Variants in ZNF329 observed in about 807,000 individuals in gnomAD.
ZNF329 encodes zinc finger protein 329.
Under a neutral mutation model 26.6 loss-of-function variants are expected in ZNF329, and 15 were observed. The ratio of observed to expected loss-of-function variants is 0.56; its 90% CI spans 0.38 to 0.87. The LOEUF (loss-of-function observed/expected upper bound fraction) is 0.87, where lower values mean the gene tolerates loss of function less well. ZNF329 is among the 40% of genes least tolerant of loss of function. The pLI is 0.00. For synonymous variants in ZNF329, 239 were observed against 233.5 expected (o/e 1.02, Z -0.21); for missense variants, 651 against 651.9 (o/e 1.00, Z 0.02).
intron 1 of ZNF329, among the ~76,000 whole-genome samples, chr19:58,144,355 T>TCTATCTATCTATCTAA (rs2075253314): frequency 1.3e-5 from 1 of 76,840 alleles, no homozygotes; most frequent in African/African-American, 5.0e-5. Flanking sequence ...TACATCTATA[T>TCTATCTATCTATCTAA]CTATCTATCT....
chr19:58,126,461 A>G lies in ZNF329; in HGVS notation c.*1417T>C. 1 of 152,358 alleles carries G rather than the reference A, an allele frequency of 6.6e-6. No individual in the cohort carries two copies. Among genetic ancestry groups the G allele is most frequent in the African/African-American group, 2.4e-5 (1 of 41,582 alleles). 9.4% of individuals were successfully genotyped at this position (152,358 alleles called of 1,614,324 possible). A position where few individuals can be genotyped will look rare whatever the true frequency, so the allele number is the denominator to read the frequency against. On this transcript the variant is annotated 3_prime_UTR_variant, in exon 4 of 4. Coordinates refer to ENST00000598312, the MANE Select transcript of ZNF329 (RefSeq NM_024620.4). ...TTGATGCCCCTTTTTGCCATATTAT[A>G]AACATTTTCAACATGGCAATAAAAC...
intron 1 of ZNF329, among the ~76,000 whole-genome samples, chr19:58,149,876 C>CT (rs1568679613): frequency 1.3e-5 from 2 of 152,106 alleles, no homozygotes; most frequent in Non-Finnish European, 2.9e-5. Context: ...CTACTGAACT[C>CT]TAATTCATGG....
chr19:58,138,029 T>A (rs975129183), intron 3 of ZNF329, among the ~76,000 whole-genome samples: 27 of 152,114 alleles, frequency 1.8e-4, no homozygotes, highest in African/African-American at 6.5e-4. Context: ...ATAAGTGATA[T>A]TAATTGTCAG....
At chr19:58,144,728 GTC>G (rs1424420219) in intron 1 of ZNF329, among the ~76,000 whole-genome samples, 1 of 144,812 alleles carries the variant, frequency 6.9e-6, no homozygotes, top group Admixed American at 7.0e-5. Context: ...AAGAGACAGA[GTC>G]TTGCTTTGAT....
At chr19:58,140,169 C>CAGT (rs1568668199) in intron 3 of ZNF329, among the ~76,000 whole-genome samples, 3 of 152,126 alleles carry the variant, frequency 2.0e-5, no homozygotes, top group South Asian at 4.1e-4. Flanking sequence ...GCTGTTCTCA[C>CAGT]AGTAGTGAGT....
chr19:58,142,922 G>GCCCCAA (rs1043466542), intron 2 of ZNF329, among the ~76,000 whole-genome samples, 183 bp downstream of exon 2: 1 of 152,166 alleles, frequency 6.6e-6, no homozygotes, highest in African/African-American at 2.4e-5. Flanking sequence ...AACTATGCAA[G>GCCCCAA]CCCCAACCCC....
At chr19:58,131,525 G>A (rs2074943615) in intron 3 of ZNF329, among the ~76,000 whole-genome samples, 1 of 152,154 alleles carries the variant, frequency 6.6e-6, no homozygotes, top group East Asian at 1.9e-4. Flanking sequence ...AATGCAAGTG[G>A]CAGATAGGGA....
chr19:58,133,159 A>G lies in ZNF329; in HGVS notation c.-8-3648T>C, dbSNP rs146142828. Reference sequence around the variant, plus strand: ...CAGAGAGAAGAGAAACCACCAGTGAATGACGAAAATTATTACAATAGATCA... The same window carrying G: ...CAGAGAGAAGAGAAACCACCAGTGAGTGACGAAAATTATTACAATAGATCA... On this transcript the variant is annotated intron_variant, in intron 3 of 3. Coordinates refer to ENST00000598312, the MANE Select transcript of ZNF329 (RefSeq NM_024620.4). 4.1e-3 allele frequency among the ~76,000 whole-genome samples: 628 copies of G among 152,354 alleles called. 4 individuals carry two copies. The highest frequency in any genetic ancestry group is 0.014 in the African/African-American group (599 of 41,598).
intron 3 of ZNF329, among the ~76,000 whole-genome samples, chr19:58,135,604 C>T (rs192208427): frequency 7.2e-5 from 11 of 152,200 alleles, no homozygotes; most frequent in South Asian, 6.2e-4. Flanking sequence ...GAAATGAAAA[C>T]GCAGAAGAAT....
At chr19:58,140,313 T>C (rs1399630309) in intron 3 of ZNF329, among the ~76,000 whole-genome samples, 1 of 152,174 alleles carries the variant, frequency 6.6e-6, no homozygotes, top group Non-Finnish European at 1.5e-5. Flanking sequence ...CCAGTAAATT[T>C]AGAGTACACT....
intron 3 of ZNF329, among the ~76,000 whole-genome samples, chr19:58,132,005 A>G (rs1193053306): frequency 6.9e-6 from 1 of 144,362 alleles, no homozygotes; most frequent in Non-Finnish European, 1.5e-5. Context: ...CCTGGGCAAC[A>G]GGGCGAGACT....
At chr19:58,132,061 T>C (rs143682550) in intron 3 of ZNF329, among the ~76,000 whole-genome samples, 14 of 151,368 alleles carry the variant, frequency 9.2e-5, no homozygotes, top group Admixed American at 2.0e-4. Context: ...AGAAATGTCC[T>C]GAAAACATCA....
intron 3 of ZNF329, among the ~76,000 whole-genome samples, chr19:58,136,401 T>A (rs2910421): frequency 6.6e-6 from 1 of 152,004 alleles, no homozygotes; most frequent in African/African-American, 2.4e-5. Context: ...AGGTCAGGCA[T>A]GGTGGCTCAC....
At position 58,133,904 on chromosome 19, in the gene ZNF329, C is replaced by T. The variant is rs139329393; in HGVS notation, c.-8-4393G>A. ...CTGACCACATGAAATGCAGAAATCA[C>T]GACTTGGAATTAATGGGATAGACTA... On this transcript the variant is annotated intron_variant, in intron 3 of 3. Coordinates refer to ENST00000598312, the MANE Select transcript of ZNF329 (RefSeq NM_024620.4). Among the ~76,000 whole-genome samples the T allele has an allele frequency of 1.8e-4, 27 of 151,808 alleles. No homozygotes were observed. The East Asian group carries it at 3.5e-3, about 20-fold the overall frequency.
chr19:58,136,057 C>T (rs2075058572), intron 3 of ZNF329, among the ~76,000 whole-genome samples: 1 of 151,592 alleles, frequency 6.6e-6, no homozygotes, highest in South Asian at 2.1e-4. Context: ...ATAGTGAAAC[C>T]CCATCTCTAC....
chr19:58,142,328 A>C (rs2075207145), intron 3 of ZNF329, among the ~76,000 whole-genome samples: 1 of 152,224 alleles, frequency 6.6e-6, no homozygotes, highest in Admixed American at 6.5e-5. Context: ...TAGTTAATAT[A>C]ATAAAAAACA....
Position 58,128,018 on chromosome 19 carries a change from A to G in ZNF329, c.1486T>C (p.Ser496Pro). The G allele has an allele frequency of 6.2e-7, 1 of 1,613,934 alleles. No homozygotes were observed. The highest frequency in any genetic ancestry group is 8.5e-7 in the Non-Finnish European group (1 of 1,179,998). Residue 496 changes from serine (S) to proline (P), a missense_variant, in exon 4 of 4, where the codon TCT (serine) becomes CCT (proline). Physicochemically the swap from Ser to Pro is moderately conservative, Grantham distance 74 (BLOSUM62 -1). Transcript: ENST00000598312. Reference sequence around the variant, plus strand: ...AGTCTCTGATGTACTGCCAGGTGAGAGTTCTGCTTGAAGGACTTCCCACAT... The same window carrying G: ...AGTCTCTGATGTACTGCCAGGTGAGGGTTCTGCTTGAAGGACTTCCCACAT... The part of the protein sequence containing the change: ...PECGKSFKQN[S>P]HLAVHQRLHS...
chr19:58,147,621 GACGCCCCGT>G, intron 1 of ZNF329, among the ~76,000 whole-genome samples: 2 of 144,668 alleles, frequency 1.4e-5, no homozygotes, highest in Non-Finnish European at 3.0e-5. Flanking sequence ...CGCCTGGCCA[GACGCCCCGT>G]CCAGGAGGGA....
Position 58,127,822 on chromosome 19 carries a change from C to A in ZNF329, c.*56G>T. ...CCAGAGAGGAGTCAGATCTAAGACACGCCTCCTAAACACAGGAGTGAGAGT... is the reference window on the plus strand; with the variant it reads ...CCAGAGAGGAGTCAGATCTAAGACAAGCCTCCTAAACACAGGAGTGAGAGT... On this transcript the variant is annotated 3_prime_UTR_variant, in exon 4 of 4. Coordinates refer to ENST00000598312, the MANE Select transcript of ZNF329 (RefSeq NM_024620.4). 1 of 1,468,946 alleles carries A rather than the reference C, an allele frequency of 6.8e-7. No homozygotes were observed. The highest frequency in any genetic ancestry group is 9.2e-7 in the Non-Finnish European group (1 of 1,086,962). The allele number at this position is 1,468,946 out of a possible 1,614,324, so 91.0% of individuals were successfully genotyped here.
Sources: allele counts gnomAD v4.1 joint callset (sites outside exome capture counted in the v4.1 genomes callset), GRCh38; gene constraint gnomAD v4.1.1; transcripts MANE v1.5; gene names NCBI Gene and HGNC (gene_info 2026-07-23, HGNC 2026-07-21).